The following SLC9A4 variants were observed in gnomAD, a reference collection of about 807,000 sequenced individuals.
The protein encoded by SLC9A4 is solute carrier family 9 member A4.
SLC9A4 carries 63 observed loss-of-function variants against 67.4 expected under a neutral mutation model. The ratio of observed to expected loss-of-function variants is 0.93; its 90% CI spans 0.76 to 1.15. The LOEUF (loss-of-function observed/expected upper bound fraction) is 1.15, where lower values mean the gene tolerates loss of function less well. SLC9A4 is among the 50% of genes most tolerant of loss of function. The probability of loss-of-function intolerance (pLI) is 0.00; values close to 1 mark genes in which losing one functional copy is unlikely to be tolerated. For missense variants in SLC9A4, 1,089 were observed against 987.7 expected, an observed-to-expected ratio of 1.10 and a Z score of -1.38; for synonymous variants, 393 against 367.2, an observed-to-expected ratio of 1.07 and a Z score of -0.80.
At chr2:102,527,914 G>GT (rs1289207312) in intron 11 of SLC9A4, among the ~76,000 whole-genome samples, 4 of 152,006 alleles carry the variant, frequency 2.6e-5, no homozygotes, top group African/African-American at 7.2e-5. Flanking sequence ...TTTTTGTTTT[G>GT]TTTTTTTCTA....
chr2:102,486,755 A>T (rs1236967039), intron 2 of SLC9A4, among the ~76,000 whole-genome samples: 1 of 152,148 alleles, frequency 6.6e-6, no homozygotes, highest in Non-Finnish European at 1.5e-5. Flanking sequence ...GATTGTGAGG[A>T]TGTTGTGAAA....
intron 2 of SLC9A4, among the ~76,000 whole-genome samples, chr2:102,494,949 G>A (rs1684774830): frequency 6.6e-6 from 1 of 151,974 alleles, no homozygotes; most frequent in Non-Finnish European, 1.5e-5. Flanking sequence ...ATATTAGCAA[G>A]GCATGGAGAA....
At chr2:102,488,426 G>A (rs549688681) in intron 2 of SLC9A4, among the ~76,000 whole-genome samples, 1 of 152,202 alleles carries the variant, frequency 6.6e-6, no homozygotes, top group African/African-American at 2.4e-5. Context: ...GGAAGCCATT[G>A]ACCCTGACTC....
chr2:102,484,896 A>C (rs1684553407), intron 2 of SLC9A4, among the ~76,000 whole-genome samples: 2 of 150,206 alleles, frequency 1.3e-5, no homozygotes, highest in Admixed American at 1.3e-4. Flanking sequence ...CTCCCCTCCT[A>C]CTCTTGCTCC....
intron 2 of SLC9A4, among the ~76,000 whole-genome samples, chr2:102,499,166 T>C (rs935901045): frequency 4.6e-5 from 7 of 152,200 alleles, no homozygotes; most frequent in Non-Finnish European, 8.8e-5. Context: ...TCAGTGTCCC[T>C]GCCAAGCTCA....
At chr2:102,483,500 T>A (rs1684510841) in intron 2 of SLC9A4, among the ~76,000 whole-genome samples, 1 of 152,124 alleles carries the variant, frequency 6.6e-6, no homozygotes, top group Admixed American at 6.5e-5. Context: ...ATGCTGCAGA[T>A]CTTCATCCAC....
Position 102,492,455 on chromosome 2 carries a change from C to G in SLC9A4, c.721-10993C>G, listed in dbSNP as rs182670707. On this transcript the variant is annotated intron_variant, in intron 2 of 11. Coordinates refer to ENST00000295269, the MANE Select transcript of SLC9A4 (RefSeq NM_001011552.4). ...TCTTGACTTCTGTGCACCCACAGGC[C>G]CAACACCATGTGTAAGCTGCCAAAG... 1.2e-3 allele frequency among the ~76,000 whole-genome samples: 179 copies of G among 152,334 alleles called. 1 individual carries two copies. The highest frequency in any genetic ancestry group is 4.1e-3 in the African/African-American group (171 of 41,582).
At chr2:102,508,011 A>T in intron 4 of SLC9A4, 68 bp from the exon 5 acceptor site, 1 of 1,491,030 alleles carries the variant, frequency 6.7e-7, no homozygotes, top group South Asian at 1.1e-5. Flanking sequence ...ACACAACCTC[A>T]GTTCACTAGC....
chr2:102,482,900 C>T (rs1342540498), intron 2 of SLC9A4, among the ~76,000 whole-genome samples: 4 of 152,186 alleles, frequency 2.6e-5, no homozygotes, highest in African/African-American at 9.7e-5. Flanking sequence ...GAGTCTTTAT[C>T]AATTACCAAG....
At chr2:102,512,047 G>T (rs1359358214) in intron 6 of SLC9A4, among the ~76,000 whole-genome samples, 156 bp from the exon 7 acceptor site, 1 of 152,084 alleles carries the variant, frequency 6.6e-6, no homozygotes, top group East Asian at 1.9e-4. Context: ...ACTATGAAAG[G>T]CACCAAATAT....
intron 2 of SLC9A4, 100 bp downstream of exon 2, chr2:102,479,402 C>A: frequency 1.6e-6 from 2 of 1,261,010 alleles, no homozygotes; most frequent in Non-Finnish European, 2.2e-6. Flanking sequence ...TGGCTCAGCG[C>A]AGCAGGACAG....
At chr2:102,527,222 C>A (rs2104450124) in intron 11 of SLC9A4, among the ~76,000 whole-genome samples, 1 of 152,098 alleles carries the variant, frequency 6.6e-6, no homozygotes, top group African/African-American at 2.4e-5. Flanking sequence ...TAGAATTCTT[C>A]CTATACCTGC....
At chr2:102,481,876 A>G (rs1030918995) in intron 2 of SLC9A4, among the ~76,000 whole-genome samples, 3 of 143,822 alleles carry the variant, frequency 2.1e-5, no homozygotes, top group African/African-American at 5.2e-5. Flanking sequence ...CAATTTACTA[A>G]TTCATTTGGC....
chr2:102,483,837 T>C (rs375610430), intron 2 of SLC9A4, among the ~76,000 whole-genome samples: 68,797 of 121,294 alleles, frequency 0.57, 18,913 homozygotes, highest in Admixed American at 0.63. Flanking sequence ...TATATATATA[T>C]ATATACACAC....
Position 102,526,306 on chromosome 2 carries a change from TCA to T in SLC9A4, c.1999_2000del (p.Gln667ValfsTer14), listed in dbSNP as rs1312724144. The T allele has an allele frequency of 6.2e-7, 1 of 1,613,746 alleles. No individual in the cohort carries two copies. Among genetic ancestry groups the T allele is most frequent in the Non-Finnish European group, 8.5e-7 (1 of 1,179,838 alleles). ...RYLSYPYGNPQSAGRDTRAAG... is the reference protein window; with the variant it reads ...RYLSYPYGNPXSAGRDTRAAG... ...ACCTCTCCTACCCCTACGGGAATCC[TCA>T]GTCTGCAGGAAGAGACACAAGGGCT... On this transcript the variant is annotated frameshift_variant, in exon 11 of 12. Transcript: ENST00000295269. LOFTEE classifies it low-confidence loss of function (END_TRUNC).
chr2:102,478,400 CTT>C (rs1199299454), intron 1 of SLC9A4, among the ~76,000 whole-genome samples: 1 of 152,128 alleles, frequency 6.6e-6, no homozygotes, highest in Non-Finnish European at 1.5e-5. Context: ...AAATAAAGGA[CTT>C]TTAATTTTTG....
intron 2 of SLC9A4, among the ~76,000 whole-genome samples, chr2:102,498,008 G>GA (rs1684847344): frequency 6.6e-6 from 1 of 152,180 alleles, no homozygotes; most frequent in Non-Finnish European, 1.5e-5. Context: ...GGAAGGCTTG[G>GA]AAAATCTGTT....
At chr2:102,485,153 G>A (rs956253531) in intron 2 of SLC9A4, among the ~76,000 whole-genome samples, 10 of 152,140 alleles carry the variant, frequency 6.6e-5, no homozygotes, top group Non-Finnish European at 1.5e-4. Context: ...GGTCCTTCAG[G>A]CCTCTTGGGT....
At chr2:102,528,552 A>G (rs1674716053) in intron 11 of SLC9A4, among the ~76,000 whole-genome samples, 1 of 152,144 alleles carries the variant, frequency 6.6e-6, no homozygotes, top group African/African-American at 2.4e-5. Flanking sequence ...GGTGTGAGCC[A>G]CCATGCCTGG....
Sources: allele counts gnomAD v4.1 joint callset (sites outside exome capture counted in the v4.1 genomes callset), GRCh38; gene constraint gnomAD v4.1.1; transcripts MANE v1.5; gene names NCBI Gene and HGNC (gene_info 2026-07-23, HGNC 2026-07-21).